CACNA2D3: variants seen among roughly 807,000 people sequenced by gnomAD.
CACNA2D3 encodes the protein calcium voltage-gated channel auxiliary subunit alpha2delta 3.
A neutral mutation model predicts 160.6 loss-of-function variants in CACNA2D3; 60 were observed. That is an observed-to-expected ratio of 0.37 (90% CI 0.30 to 0.46). CACNA2D3 has a LOEUF of 0.46. Ranked by LOEUF, CACNA2D3 falls within the 20% of genes least tolerant of loss-of-function variation. The probability of loss-of-function intolerance (pLI) is 1.00; values close to 1 mark genes in which losing one functional copy is unlikely to be tolerated. For missense variants in CACNA2D3, 1,205 were observed against 1,365.0 expected, an observed-to-expected ratio of 0.88 and a Z score of 1.85; for synonymous variants, 558 against 492.9, an observed-to-expected ratio of 1.13 and a Z score of -1.75.
At position 54,763,900 on chromosome 3, in the gene CACNA2D3, G is replaced by T. The variant is rs983839123; in HGVS notation, c.1247-318G>T. ...ATATATGTATATATATGTATGTGGGGGGGGGGGGTGCATATAAAGTTAGGG... is the reference window on the plus strand; with the variant it reads ...ATATATGTATATATATGTATGTGGGTGGGGGGGGTGCATATAAAGTTAGGG... On this transcript the variant is annotated intron_variant, in intron 12 of 37. Coordinates refer to ENST00000474759, the MANE Select transcript of CACNA2D3 (RefSeq NM_018398.3). 2.9e-4 allele frequency among the ~76,000 whole-genome samples: 9 copies of T among 31,256 alleles called. 2 individuals carry two copies. The highest frequency in any genetic ancestry group is 1.2e-3 in the African/African-American group (8 of 6,858). 20.5% of individuals were successfully genotyped at this position (31,256 alleles called of 152,430 possible). A position where few individuals can be genotyped will look rare whatever the true frequency, so the allele number is the denominator to read the frequency against.
intron 4 of CACNA2D3, among the ~76,000 whole-genome samples, chr3:54,497,487 C>T (rs768814605): frequency 6.6e-6 from 1 of 151,976 alleles, no homozygotes; most frequent in Non-Finnish European, 1.5e-5. Flanking sequence ...ATCTTGTTAA[C>T]TCTCTTTAAG....
chr3:54,694,161 C>T (rs1700618719), intron 11 of CACNA2D3, among the ~76,000 whole-genome samples: 1 of 152,134 alleles, frequency 6.6e-6, no homozygotes, highest in Admixed American at 6.5e-5. Flanking sequence ...ATCTTCTATA[C>T]CATACTTTCC....
intron 19 of CACNA2D3, 114 bp from the exon 20 acceptor site, chr3:54,879,236 A>G: frequency 1.2e-6 from 1 of 866,686 alleles, no homozygotes; most frequent in Non-Finnish European, 1.8e-6. Context: ...TTCATGTAGT[A>G]CTGTTAACCT....
At chr3:54,854,441 A>T (rs1699123615) in intron 17 of CACNA2D3, among the ~76,000 whole-genome samples, 1 of 152,170 alleles carries the variant, frequency 6.6e-6, no homozygotes, top group South Asian at 2.1e-4. Flanking sequence ...CCTTTCTGCA[A>T]ACCTTGAGAA....
chr3:54,784,823 G>A (rs1418914394), intron 13 of CACNA2D3, among the ~76,000 whole-genome samples: 1 of 152,166 alleles, frequency 6.6e-6, no homozygotes, highest in African/African-American at 2.4e-5. Context: ...CAAGAGCAAG[G>A]ATAGCTCCTA....
At chr3:54,842,967 A>G (rs1307453474) in intron 16 of CACNA2D3, among the ~76,000 whole-genome samples, 2 of 151,388 alleles carry the variant, frequency 1.3e-5, no homozygotes, top group African/African-American at 4.9e-5. Context: ...AGAGGCGGAA[A>G]AGTGAGTGTA....
chr3:54,163,092 T>C (rs114256590), intron 2 of CACNA2D3, among the ~76,000 whole-genome samples: 142 of 152,224 alleles, frequency 9.3e-4, no homozygotes, highest in African/African-American at 3.3e-3. Flanking sequence ...ACACAGCCAG[T>C]GAGGAGGAGT....
intron 25 of CACNA2D3, among the ~76,000 whole-genome samples, chr3:54,892,862 C>CAA (rs1700099851): frequency 6.6e-6 from 1 of 152,190 alleles, no homozygotes; most frequent in South Asian, 2.1e-4. Flanking sequence ...ATTTAAAAGA[C>CAA]AAAGGACCAC....
chr3:54,344,524 C>T (rs912432795), intron 3 of CACNA2D3, among the ~76,000 whole-genome samples: 4 of 152,220 alleles, frequency 2.6e-5, no homozygotes, highest in Admixed American at 6.5e-5. Context: ...TTTTCTGCCT[C>T]ATATGCCATC....
chr3:55,038,794 GT>G (rs569840088), intron 35 of CACNA2D3, among the ~76,000 whole-genome samples: 6 of 148,314 alleles, frequency 4.0e-5, no homozygotes, highest in African/African-American at 7.4e-5. Flanking sequence ...GTCAGTCGTG[GT>G]TCTTGAGATA....
intron 8 of CACNA2D3, among the ~76,000 whole-genome samples, chr3:54,576,245 G>A (rs1702580233): frequency 6.6e-6 from 1 of 152,128 alleles, no homozygotes; most frequent in African/African-American, 2.4e-5. Context: ...GTTCCTCACT[G>A]TTATCCAGAG....
chr3:54,227,304 T>A (rs1701691679), intron 2 of CACNA2D3, among the ~76,000 whole-genome samples: 1 of 152,122 alleles, frequency 6.6e-6, no homozygotes. Context: ...AGGCCCCTTT[T>A]TGTGCGCTTC....
At chr3:54,698,893 AT>A (rs140379407) in intron 11 of CACNA2D3, among the ~76,000 whole-genome samples, 2,108 of 152,316 alleles carry the variant, frequency 0.014, 19 homozygotes, top group Middle Eastern at 0.044. Flanking sequence ...ACAAGGACGT[AT>A]GGGAGAGCGA....
At chr3:54,430,244 C>G (rs1304014807) in intron 4 of CACNA2D3, among the ~76,000 whole-genome samples, 1 of 152,172 alleles carries the variant, frequency 6.6e-6, no homozygotes, top group Non-Finnish European at 1.5e-5. Context: ...CTCTTTCAAT[C>G]CAAATTATTC....
At chr3:54,817,270 C>T (rs948247671) in intron 14 of CACNA2D3, among the ~76,000 whole-genome samples, 9 of 152,176 alleles carry the variant, frequency 5.9e-5, no homozygotes, top group African/African-American at 2.2e-4. Flanking sequence ...TTTGGGGCTC[C>T]TAAGCCAAAT....
chr3:54,647,818 G>T (rs1386539372), intron 11 of CACNA2D3, among the ~76,000 whole-genome samples: 1 of 152,224 alleles, frequency 6.6e-6, no homozygotes, highest in Admixed American at 6.5e-5. Flanking sequence ...TATGCAATGT[G>T]TCCCTTGCCA....
At chr3:54,995,942 C>T (rs572814881) in intron 31 of CACNA2D3, among the ~76,000 whole-genome samples, 3 of 152,328 alleles carry the variant, frequency 2.0e-5, no homozygotes, top group East Asian at 1.9e-4. Context: ...ATGCCCAATG[C>T]GGTCCTGAAC....
intron 24 of CACNA2D3, 38 bp from the exon 25 acceptor site, chr3:54,891,317 C>G (rs761566371): frequency 7.0e-7 from 1 of 1,418,578 alleles, no homozygotes; most frequent in Non-Finnish European, 1.0e-6. Context: ...TGCTTACTGT[C>G]TAGAGGCCTC....
intron 14 of CACNA2D3, among the ~76,000 whole-genome samples, chr3:54,818,016 AATTACCTAC>A (rs1372362140): frequency 6.7e-6 from 1 of 148,656 alleles, no homozygotes; most frequent in African/African-American, 2.4e-5. Flanking sequence ...ATGCTTTCTT[AATTACCTAC>A]ATTTGAATTT....
Sources: allele counts gnomAD v4.1 joint callset (sites outside exome capture counted in the v4.1 genomes callset), GRCh38; gene constraint gnomAD v4.1.1; transcripts MANE v1.5; gene names NCBI Gene and HGNC (gene_info 2026-07-23, HGNC 2026-07-21).